Variants in PLCE1 observed in about 807,000 individuals in gnomAD.
PLCE1 encodes 1-phosphatidylinositol 4,5-bisphosphate phosphodiesterase epsilon-1.
PLCE1 carries 119 observed loss-of-function variants against 242.8 expected under a neutral mutation model. The ratio of observed to expected loss-of-function variants is 0.49; its 90% CI spans 0.42 to 0.57. The LOEUF (loss-of-function observed/expected upper bound fraction) is 0.57, where lower values mean the gene tolerates loss of function less well. Ranked by LOEUF, PLCE1 falls within the 20% of genes least tolerant of loss-of-function variation. The probability of loss-of-function intolerance (pLI) is 0.00; values close to 1 mark genes in which losing one functional copy is unlikely to be tolerated. For synonymous variants in PLCE1, 945 were observed against 1,017.4 expected (o/e 0.93, Z 1.35); for missense variants, 2,441 against 2,788.8 (o/e 0.88, Z 2.81).
intron 32 of PLCE1, among the ~76,000 whole-genome samples, chr10:94,326,708 G>A (rs1011162886): frequency 1.3e-5 from 2 of 152,222 alleles, no homozygotes; most frequent in Non-Finnish European, 2.9e-5. Flanking sequence ...GGGGGAGGGT[G>A]ATTGATAGTG....
intron 2 of PLCE1, among the ~76,000 whole-genome samples, chr10:94,097,568 G>A (rs115322119): frequency 6.6e-6 from 1 of 152,126 alleles, no homozygotes; most frequent in African/African-American, 2.4e-5. Context: ...ATTAAGGAAG[G>A]TATCCAGTGA....
chr10:94,241,211 C>T (rs2050492984), intron 7 of PLCE1, among the ~76,000 whole-genome samples: 1 of 152,202 alleles, frequency 6.6e-6, no homozygotes, highest in African/African-American at 2.4e-5. Context: ...TCCCAGCTTA[C>T]ATCATCTCTG....
At chr10:94,191,442 G>A (rs1264958232) in intron 4 of PLCE1, among the ~76,000 whole-genome samples, 1 of 152,136 alleles carries the variant, frequency 6.6e-6, no homozygotes, top group Non-Finnish European at 1.5e-5. Flanking sequence ...AGGAGTTTGA[G>A]ACGAGCCTGG....
chr10:94,033,286 T>A (rs1416566731), intron 2 of PLCE1, among the ~76,000 whole-genome samples: 1 of 152,060 alleles, frequency 6.6e-6, no homozygotes, highest in Non-Finnish European at 1.5e-5. Flanking sequence ...TATTGGATTA[T>A]GTATATATAC....
At chr10:94,134,121 G>A (rs1202627812) in intron 3 of PLCE1, among the ~76,000 whole-genome samples, 1 of 147,670 alleles carries the variant, frequency 6.8e-6, no homozygotes, top group African/African-American at 2.5e-5. Flanking sequence ...TTCTTTTTGA[G>A]ATGCAGTCTT....
chr10:94,154,265 CAT>C, intron 3 of PLCE1, among the ~76,000 whole-genome samples: 1 of 152,254 alleles, frequency 6.6e-6, no homozygotes, highest in East Asian at 1.9e-4. Context: ...ACTGGATATC[CAT>C]ATGCCAAACA....
chr10:94,266,828 G>T (rs747992304), intron 16 of PLCE1, among the ~76,000 whole-genome samples: 4 of 152,204 alleles, frequency 2.6e-5, no homozygotes, highest in African/African-American at 4.8e-5. Context: ...TTGTCCCAAA[G>T]CTTGCTTAGC....
At chr10:94,214,796 G>A (rs1241849634) in intron 4 of PLCE1, among the ~76,000 whole-genome samples, 4 of 152,166 alleles carry the variant, frequency 2.6e-5, no homozygotes, top group Admixed American at 2.0e-4. Context: ...ACCTGCCCGA[G>A]GACCAAGAGT....
At chr10:94,181,108 C>T (rs1313768793) in intron 4 of PLCE1, among the ~76,000 whole-genome samples, 1 of 152,214 alleles carries the variant, frequency 6.6e-6, no homozygotes, top group Non-Finnish European at 1.5e-5. Flanking sequence ...CACGCATGCA[C>T]TCATTCTTCA....
chr10:94,234,865 G>A (rs1422186479), intron 6 of PLCE1, among the ~76,000 whole-genome samples: 1 of 152,162 alleles, frequency 6.6e-6, no homozygotes, highest in East Asian at 1.9e-4. Flanking sequence ...TTTGACCCAA[G>A]GCATTGGGCA....
chr10:94,188,307 T>C (rs146315654), intron 4 of PLCE1, among the ~76,000 whole-genome samples: 34 of 152,324 alleles, frequency 2.2e-4, no homozygotes, highest in African/African-American at 7.9e-4. Flanking sequence ...GTATAAAATA[T>C]GTTTTCTTAA....
chr10:94,087,146 G>C (rs915462142), intron 2 of PLCE1, among the ~76,000 whole-genome samples: 2 of 151,958 alleles, frequency 1.3e-5, no homozygotes, highest in Non-Finnish European at 1.5e-5. Flanking sequence ...CCAGGAGTTC[G>C]AGACCAGCCT....
In PLCE1 at chr10:94,279,951, C is replaced by T. The variant is rs2274225; in HGVS notation, c.4795+40C>T. The T allele has an allele frequency of 0.29, 472,848 of 1,606,320 alleles. 70,418 individuals carry two copies. The highest frequency in any genetic ancestry group is 0.33 in the South Asian group (30,420 of 90,892). On this transcript the variant is annotated intron_variant, in intron 20 of 32. Transcript: ENST00000371380. ...TCCCTATGCTGTGCACAGGAAAATT[C>T]TTGGATGATTTGCCACATTTTTCTT...
chr10:94,311,886 A>G (rs1402898427), intron 27 of PLCE1, among the ~76,000 whole-genome samples: 3 of 152,160 alleles, frequency 2.0e-5, no homozygotes, highest in African/African-American at 4.8e-5. Context: ...GAGGATCCCA[A>G]GAAGATGATG....
intron 2 of PLCE1, chr10:94,097,002 C>G (rs1314770546): frequency 6.6e-6 from 1 of 152,096 alleles, no homozygotes; most frequent in Non-Finnish European, 1.5e-5. Flanking sequence ...ATTGTGGCTT[C>G]TATGAAAGAA....
chr10:94,274,672 T>C (rs1016116723), intron 19 of PLCE1, among the ~76,000 whole-genome samples: 3 of 151,996 alleles, frequency 2.0e-5, no homozygotes, highest in Admixed American at 2.0e-4. Flanking sequence ...CAGCTCTAAT[T>C]CAATTATTTT....
At chr10:94,057,267 T>C (rs956964372) in intron 2 of PLCE1, among the ~76,000 whole-genome samples, 1 of 152,190 alleles carries the variant, frequency 6.6e-6, no homozygotes, top group Admixed American at 6.5e-5. Flanking sequence ...TTCGTTTTCA[T>C]AGGCTGTTTT....
At chr10:94,278,780 A>T (rs1412964036) in intron 19 of PLCE1, among the ~76,000 whole-genome samples, 10 of 152,122 alleles carry the variant, frequency 6.6e-5, no homozygotes, top group African/African-American at 2.2e-4. Context: ...CAAATACAGA[A>T]TTATATGTAT....
intron 7 of PLCE1, among the ~76,000 whole-genome samples, chr10:94,244,948 A>G (rs1428690595): frequency 3.8e-4 from 58 of 152,126 alleles, no homozygotes; most frequent in Admixed American, 3.8e-3. Context: ...CAGTCTGCCT[A>G]CTTTCTTTCC....
Sources: gnomAD v4.1 joint callset for allele counts (sites outside exome capture counted in the v4.1 genomes callset) on GRCh38, gnomAD v4.1.1 for gene constraint, MANE v1.5 for transcripts, NCBI Gene and HGNC (gene_info 2026-07-23, HGNC 2026-07-21) for gene names.